The following SLC14A2 variants were observed in gnomAD, a reference collection of about 807,000 sequenced individuals.
SLC14A2 encodes solute carrier family 14 member 2.
Under a neutral mutation model 104.6 loss-of-function variants are expected in SLC14A2, and 91 were observed. The observed-to-expected ratio is 0.87, with a 90% CI of 0.73 to 1.04. SLC14A2 has a LOEUF of 1.04. Among genes scored for constraint, SLC14A2 ranks in the 50% least tolerant of loss-of-function variants. SLC14A2 has a pLI of 0.00. For synonymous variants in SLC14A2, 476 were observed against 466.4 expected, an observed-to-expected ratio of 1.02 and a Z score of -0.27; for missense variants, 1,189 against 1,156.0, an observed-to-expected ratio of 1.03 and a Z score of -0.41.
chr18:45,569,719 T>A (rs2044319412), intron 2 of SLC14A2, among the ~76,000 whole-genome samples: 1 of 152,160 alleles, frequency 6.6e-6, no homozygotes, highest in South Asian at 2.1e-4. Context: ...GCTCATTAAA[T>A]AATCTGTCTA....
chr18:45,459,132 C>T (rs1302732139), intron 1 of SLC14A2, among the ~76,000 whole-genome samples: 1 of 152,158 alleles, frequency 6.6e-6, no homozygotes, highest in Non-Finnish European at 1.5e-5. Flanking sequence ...AAACTCTCCC[C>T]AGCAATGGAA....
intron 1 of SLC14A2, among the ~76,000 whole-genome samples, chr18:45,410,001 T>C (rs2086197175): frequency 6.6e-6 from 1 of 152,126 alleles, no homozygotes; most frequent in African/African-American, 2.4e-5. Flanking sequence ...GGTCCTATGC[T>C]GGGGGGCAGC....
intron 1 of SLC14A2, among the ~76,000 whole-genome samples, chr18:45,404,874 C>T (rs1292684456): frequency 6.6e-6 from 1 of 152,072 alleles, no homozygotes; most frequent in African/African-American, 2.4e-5. Context: ...TGCACAGAGG[C>T]CCAGTATATA....
intron 1 of SLC14A2, among the ~76,000 whole-genome samples, chr18:45,422,478 G>A (rs2086363090): frequency 6.6e-6 from 1 of 152,180 alleles, no homozygotes; most frequent in Non-Finnish European, 1.5e-5. Context: ...ATGAGGAAGT[G>A]AGGAACACAG....
chr18:45,246,184 C>T (rs1257303656), intron 1 of SLC14A2, among the ~76,000 whole-genome samples: 2 of 152,076 alleles, frequency 1.3e-5, no homozygotes, highest in Non-Finnish European at 2.9e-5. Flanking sequence ...AATATATTCA[C>T]ATAGAGAGGA....
chr18:45,585,767 CA>C (rs1477117831), intron 2 of SLC14A2, among the ~76,000 whole-genome samples: 2 of 152,168 alleles, frequency 1.3e-5, no homozygotes, highest in Admixed American at 1.3e-4. Context: ...CCCCAGTACC[CA>C]CCTGCCCCCT....
At chr18:45,443,346 T>G (rs1250690052) in intron 1 of SLC14A2, among the ~76,000 whole-genome samples, 1 of 152,228 alleles carries the variant, frequency 6.6e-6, no homozygotes, top group Non-Finnish European at 1.5e-5. Context: ...AGGATAACTA[T>G]GTAGAAATAC....
At chr18:45,336,812 T>C (rs1434682112) in intron 1 of SLC14A2, among the ~76,000 whole-genome samples, 1 of 152,210 alleles carries the variant, frequency 6.6e-6, no homozygotes, top group African/African-American at 2.4e-5. Flanking sequence ...TCAACTGGCC[T>C]CTGTCTTTCC....
chr18:45,242,159 G>T (rs1007491741), intron 1 of SLC14A2, among the ~76,000 whole-genome samples: 4 of 152,118 alleles, frequency 2.6e-5, no homozygotes, highest in Non-Finnish European at 5.9e-5. Flanking sequence ...CTGGGGGTTT[G>T]GGAGCAGATG....
At chr18:45,655,736 T>G (rs1277545245) in intron 10 of SLC14A2, among the ~76,000 whole-genome samples, 1 of 152,240 alleles carries the variant, frequency 6.6e-6, no homozygotes, top group Non-Finnish European at 1.5e-5. Context: ...TTCTATGGCC[T>G]TTCAGGGGGT....
intron 1 of SLC14A2, among the ~76,000 whole-genome samples, chr18:45,290,099 C>G (rs948537572): frequency 2.0e-5 from 3 of 147,220 alleles, no homozygotes; most frequent in Non-Finnish European, 4.5e-5. Flanking sequence ...TTTCAAAGTT[C>G]TTTTGTAAAA....
At position 45,338,682 on chromosome 18, in the gene SLC14A2, CAAAAAAAAAAAAAAAAA is replaced by C. The variant is rs59474827; in HGVS notation, c.-125+125505_-125+125521del. ...GGCCATAGTAACTCACACTGGCTCA[CAAAAAAAAAAAAAAAAA>C]AAAAAAAAAAAAACTCTTTATTTAC... On this transcript the variant is annotated intron_variant, in intron 1 of 20. Transcript: ENST00000586448. Among the ~76,000 whole-genome samples, 5 of 51,852 alleles carry C rather than the reference CAAAAAAAAAAAAAAAAA, an allele frequency of 9.6e-5. No homozygotes were observed. The Admixed American group carries it at 1.2e-3, about 12-fold the overall frequency. The allele number at this position is 51,852 out of a possible 152,430, so 34.0% of individuals were successfully genotyped here. A position where few individuals can be genotyped will look rare whatever the true frequency, so the allele number is the denominator to read the frequency against.
chr18:45,395,367 A>G (rs572251562), intron 1 of SLC14A2, among the ~76,000 whole-genome samples: 7 of 152,308 alleles, frequency 4.6e-5, no homozygotes, highest in African/African-American at 1.7e-4. Flanking sequence ...GGTGGTTGTC[A>G]GAGTCTGGAG....
chr18:45,547,926 G>C (rs757361008), intron 2 of SLC14A2, among the ~76,000 whole-genome samples: 9 of 152,196 alleles, frequency 5.9e-5, no homozygotes, highest in African/African-American at 1.9e-4. Context: ...GATCAGAGGA[G>C]GGTAAGACTG....
At chr18:45,367,745 T>G (rs1033857309) in intron 1 of SLC14A2, among the ~76,000 whole-genome samples, 2 of 151,836 alleles carry the variant, frequency 1.3e-5, no homozygotes, top group African/African-American at 2.4e-5. Flanking sequence ...AAATCAAATT[T>G]TTGTTGTTGT....
chr18:45,319,782 C>G (rs528069632), intron 1 of SLC14A2, among the ~76,000 whole-genome samples: 1 of 152,228 alleles, frequency 6.6e-6, no homozygotes, highest in Non-Finnish European at 1.5e-5. Context: ...CCTCACATCA[C>G]TGTGCTGGGG....
At chr18:45,302,050 G>C (rs1194850049) in intron 1 of SLC14A2, among the ~76,000 whole-genome samples, 1 of 152,104 alleles carries the variant, frequency 6.6e-6, no homozygotes, top group Non-Finnish European at 1.5e-5. Context: ...ACCTTGTTTG[G>C]TATTTATCCT....
At chr18:45,555,753 A>C (rs1417278604) in intron 2 of SLC14A2, among the ~76,000 whole-genome samples, 1 of 152,216 alleles carries the variant, frequency 6.6e-6, no homozygotes, top group African/African-American at 2.4e-5. Context: ...ATGTTCCCTC[A>C]TGGAGACAGA....
intron 1 of SLC14A2, among the ~76,000 whole-genome samples, chr18:45,276,318 T>C (rs2084702136): frequency 6.6e-6 from 1 of 152,228 alleles, no homozygotes; most frequent in Non-Finnish European, 1.5e-5. Context: ...GAATTTTCAG[T>C]GCAGGTGCCT....
Sources: allele counts gnomAD v4.1 joint callset (sites outside exome capture counted in the v4.1 genomes callset), GRCh38; gene constraint gnomAD v4.1.1; transcripts MANE v1.5; gene names NCBI Gene and HGNC (gene_info 2026-07-23, HGNC 2026-07-21).